The following CSE1L variants were observed in gnomAD, a reference collection of about 807,000 sequenced individuals.
CSE1L encodes chromosome segregation 1 like, also known as exportin-2.
In CSE1L, 24 loss-of-function variants were observed where a neutral mutation model predicts 120.4. The observed-to-expected ratio is 0.20, with a 90% CI of 0.14 to 0.28. The LOEUF (loss-of-function observed/expected upper bound fraction) is 0.28, where lower values mean the gene tolerates loss of function less well. Ranked by LOEUF, CSE1L falls within the 10% of genes least tolerant of loss-of-function variation. CSE1L has a pLI of 1.00. For missense variants in CSE1L, 830 were observed against 1,145.2 expected, an observed-to-expected ratio of 0.72 and a Z score of 3.97; for synonymous variants, 402 against 398.3, an observed-to-expected ratio of 1.01 and a Z score of -0.11.
chr20:49,091,164 T>A, intron 21 of CSE1L, 142 bp downstream of exon 21: 1 of 651,484 alleles, frequency 1.5e-6, no homozygotes, highest in African/African-American at 1.8e-5. Flanking sequence ...GGTTCATGCC[T>A]GTAATCGCAG....
At position 49,084,112 on chromosome 20, in the gene CSE1L, T is replaced by G; in HGVS notation, c.1569T>G (p.Ala523=). The G allele has an allele frequency of 1.9e-6, 3 of 1,614,124 alleles. No individual in the cohort carries two copies. The highest frequency in any genetic ancestry group is 2.5e-6 in the Non-Finnish European group (3 of 1,179,982). The part of the protein sequence containing the change: ...AESIVVHTYA[A]HALERLFTMR... ...GTATTGTTGTTCATACTTACGCAGC[T>G]CATGCTCTTGAACGGCTCTTTACTA... The change falls in exon 15 of 25, where the codon GCT becomes GCG. Residue 523 remains alanine, a synonymous_variant. Transcript: ENST00000262982.
chr20:49,066,064 G>C (rs2123692201), intron 3 of CSE1L, 128 bp from the exon 4 acceptor site: 1 of 758,628 alleles, frequency 1.3e-6, no homozygotes, highest in African/African-American at 1.8e-5. Flanking sequence ...ACTGAAGAAA[G>C]ACCAAACCTT....
At chr20:49,084,243 A>G in intron 15 of CSE1L, 81 bp downstream of exon 15, 1 of 1,346,834 alleles carries the variant, frequency 7.4e-7, no homozygotes, top group Non-Finnish European at 1.0e-6. Context: ...TGTTTTCATA[A>G]TTTCACTAGT....
chr20:49,082,309 G>A (rs566506683), intron 14 of CSE1L, among the ~76,000 whole-genome samples: 42 of 151,072 alleles, frequency 2.8e-4, no homozygotes, highest in Non-Finnish European at 5.2e-4. Flanking sequence ...CCACCACCAC[G>A]CCCAGCAATT....
At chr20:49,061,167 A>ATTTTTT (rs3092068) in intron 2 of CSE1L, among the ~76,000 whole-genome samples, 4 of 116,300 alleles carry the variant, frequency 3.4e-5, no homozygotes, top group Admixed American at 9.8e-5. Flanking sequence ...ACTATTAAAA[A>ATTTTTT]TTTTTTTTTT....
At chr20:49,081,552 T>C (rs1373566432) in intron 14 of CSE1L, among the ~76,000 whole-genome samples, 1 of 152,244 alleles carries the variant, frequency 6.6e-6, no homozygotes, top group Non-Finnish European at 1.5e-5. Flanking sequence ...TGGTATCTCA[T>C]TGCAGTTTTA....
chr20:49,054,914 G>A (rs2091794901), intron 1 of CSE1L, among the ~76,000 whole-genome samples: 1 of 152,192 alleles, frequency 6.6e-6, no homozygotes. Flanking sequence ...TGCCTATTCA[G>A]ATACACATAT....
In CSE1L at chr20:49,089,632, C is replaced by T. The variant is rs917654771; in HGVS notation, c.2067C>T (p.Leu689=). The T allele has an allele frequency of 1.9e-6, 3 of 1,614,140 alleles. No homozygotes were observed. Among genetic ancestry groups the T allele is most frequent in the Non-Finnish European group, 2.5e-6 (3 of 1,180,006 alleles). ...PSSYMALFPH[L]LQPVLWERTG... Reference sequence around the variant, plus strand: ...CCTATATGGCCTTATTTCCTCATCTCCTTCAGCCAGTGCTTTGGGAAAGAA... The same window carrying T: ...CCTATATGGCCTTATTTCCTCATCTTCTTCAGCCAGTGCTTTGGGAAAGAA... The change falls in exon 19 of 25, where the codon CTC becomes CTT. Residue 689 remains leucine (L), a synonymous_variant. Transcript: ENST00000262982.
In CSE1L at chr20:49,096,335, C is replaced by T. The variant is rs753108551; in HGVS notation, c.2827-14C>T. 1.9e-6 allele frequency: 3 copies of T among 1,606,070 alleles called. No individual in the cohort carries two copies. Among genetic ancestry groups the T allele is most frequent in the Non-Finnish European group, 2.6e-6 (3 of 1,172,958 alleles). On this transcript the variant is annotated splice_polypyrimidine_tract_variant and intron_variant, in intron 24 of 24. Transcript: ENST00000262982. Reference sequence around the variant, plus strand: ...GATCTCCAACAGCCAGTGTGTGTTTCCCATCTCTTGTAGGTTCCATCAATG... The same window carrying T: ...GATCTCCAACAGCCAGTGTGTGTTTTCCATCTCTTGTAGGTTCCATCAATG...
Position 49,075,326 on chromosome 20 carries a change from A to T in CSE1L, c.1141A>T (p.Thr381Ser). The stretch of plus-strand genomic sequence containing the variant: ...TTCTTTTCATTTCATAGATATTGAT[A>T]CTAGACGCAGGGCTGCTTGTGATCT... ...RRDLEGSDID[T>S]RRRAACDLVR... The change falls in exon 12 of 25, where the codon ACT (threonine) becomes TCT (serine). Residue 381 changes from threonine to serine, a missense_variant. Coordinates refer to ENST00000262982, the MANE Select transcript of CSE1L (RefSeq NM_001316.4). 6.2e-7 allele frequency: 1 copy of T among 1,613,222 alleles called. No individual in the cohort carries two copies. The highest frequency in any genetic ancestry group is 8.5e-7 in the Non-Finnish European group (1 of 1,179,410).
chr20:49,069,949 C>T (rs1294138810), intron 7 of CSE1L, among the ~76,000 whole-genome samples: 2 of 152,212 alleles, frequency 1.3e-5, no homozygotes, highest in African/African-American at 4.8e-5. Flanking sequence ...ATAGTCTTAG[C>T]TGAACCTTGA....
intron 1 of CSE1L, among the ~76,000 whole-genome samples, chr20:49,052,733 T>G (rs978579854): frequency 1.6e-4 from 24 of 152,194 alleles, no homozygotes; most frequent in African/African-American, 5.8e-4. Context: ...GATCTACAGG[T>G]GTGTGCCACC....
chr20:49,065,933 A>G (rs1411060568), intron 3 of CSE1L, among the ~76,000 whole-genome samples: 2 of 152,168 alleles, frequency 1.3e-5, no homozygotes, highest in African/African-American at 4.8e-5. Flanking sequence ...GAGTAAGGGA[A>G]GTTCACTAAT....
chr20:49,063,319 A>G lies in CSE1L; in HGVS notation c.203A>G (p.Asn68Ser). The G allele has an allele frequency of 6.6e-7, 1 of 1,515,658 alleles. No homozygotes were observed. The highest frequency in any genetic ancestry group is 8.9e-7 in the Non-Finnish European group (1 of 1,120,912). The allele number at this position is 1,515,658 out of a possible 1,614,324, so 93.9% of individuals were successfully genotyped here. ...GTATGTGCTTCAGTAACATTCAAAA[A>G]CTATATTAAAAGGAACTGGAGAATT... ...IKVCASVTFK[N>S]YIKRNWRIVE... Residue 68 changes from asparagine to serine, a missense_variant, in exon 3 of 25, where the codon AAC (asparagine) becomes AGC (serine). Physicochemically the swap from Asn to Ser is conservative, Grantham distance 46 (BLOSUM62 1). Coordinates refer to ENST00000262982, the MANE Select transcript of CSE1L (RefSeq NM_001316.4).
In CSE1L at chr20:49,071,834, G is replaced by A. The variant is rs2091934073; in HGVS notation, c.769-452G>A. ...AATACAAAAATTAGCCGGGCGTGAT[G>A]GCGGGTGCCTGTAGTCCCAGCTACT... is the stretch of plus-strand genomic sequence containing the variant. On this transcript the variant is annotated intron_variant, in intron 8 of 24. Coordinates refer to ENST00000262982, the MANE Select transcript of CSE1L (RefSeq NM_001316.4). 3.3e-5 allele frequency among the ~76,000 whole-genome samples: 5 copies of A among 152,080 alleles called. No individual in the cohort carries two copies. In the South Asian group the frequency reaches 1.0e-3, roughly 31 times the overall value.
intron 1 of CSE1L, among the ~76,000 whole-genome samples, chr20:49,053,147 C>T (rs79547597): frequency 2.4e-5 from 3 of 122,714 alleles, no homozygotes; most frequent in Admixed American, 8.2e-5. Context: ...CCCTGTCTCT[C>T]TTTTTTTTTT....
At chr20:49,079,580 CTT>C (rs1203830075) in intron 14 of CSE1L, among the ~76,000 whole-genome samples, 1 of 151,932 alleles carries the variant, frequency 6.6e-6, no homozygotes, top group Admixed American at 6.6e-5. Context: ...ATCTTAGAGA[CTT>C]TCTCACATTT....
chr20:49,080,840 A>T (rs915422757), intron 14 of CSE1L, among the ~76,000 whole-genome samples: 3 of 152,082 alleles, frequency 2.0e-5, no homozygotes, highest in African/African-American at 7.2e-5. Context: ...AACTACTACA[A>T]TCATAGCTCA....
Position 49,057,626 on chromosome 20 carries a change from G to GGGTT in CSE1L, c.-11-814_-11-811dup, listed in dbSNP as rs553803635. Reference sequence around the variant, plus strand: ...CACTACCATGCCTGGCTAATTTTTTGGGTTGGTTGGTTGGTTTGTTTTGAG... The same window carrying GGGTT: ...CACTACCATGCCTGGCTAATTTTTTGGGTTGGTTGGTTGGTTGGTTTGTTTTGAG... On this transcript the variant is annotated intron_variant, in intron 1 of 24. Coordinates refer to ENST00000262982, the MANE Select transcript of CSE1L (RefSeq NM_001316.4). Among the ~76,000 whole-genome samples, 33 of 151,452 alleles carry GGGTT rather than the reference G, an allele frequency of 2.2e-4. 1 individual carries two copies. The South Asian group carries it at 6.7e-3, about 31-fold the overall frequency.
Sources: gnomAD v4.1 joint callset for allele counts (sites outside exome capture counted in the v4.1 genomes callset) on GRCh38, gnomAD v4.1.1 for gene constraint, MANE v1.5 for transcripts, NCBI Gene and HGNC (gene_info 2026-07-23, HGNC 2026-07-21) for gene names.